The following UQCRC2 variants were observed in gnomAD, a reference collection of about 807,000 sequenced individuals.
UQCRC2 encodes ubiquinol-cytochrome c reductase core protein 2.
UQCRC2 carries 49 observed loss-of-function variants against 55.6 expected under a neutral mutation model. The ratio of observed to expected loss-of-function variants is 0.88; its 90% CI spans 0.70 to 1.12. The LOEUF is 1.12. Ranked by LOEUF, UQCRC2 falls within the 50% of genes most tolerant of loss-of-function variation. UQCRC2 has a pLI of 0.00. For synonymous variants in UQCRC2, 193 were observed against 192.0 expected, an observed-to-expected ratio of 1.01 and a Z score of -0.04; for missense variants, 506 against 547.8, an observed-to-expected ratio of 0.92 and a Z score of 0.76.
chr16:21,971,334 A>T (rs562588753), intron 8 of UQCRC2, among the ~76,000 whole-genome samples, 191 bp from the exon 9 acceptor site: 2 of 152,358 alleles, frequency 1.3e-5, no homozygotes, highest in East Asian at 3.9e-4. Flanking sequence ...TACTAAGTAT[A>T]TAGTAAATAG....
At chr16:21,956,005 A>G (rs1898080644) in intron 1 of UQCRC2, among the ~76,000 whole-genome samples, 2 of 151,978 alleles carry the variant, frequency 1.3e-5, no homozygotes, top group Non-Finnish European at 1.5e-5. Flanking sequence ...TTGTGTTTTT[A>G]TTAGAGATGG....
chr16:21,976,624 C>G (rs1344540014), intron 12 of UQCRC2: 1 of 168,572 alleles, frequency 5.9e-6, no homozygotes, highest in East Asian at 1.7e-4. Flanking sequence ...TGCTGCTTGA[C>G]TTACACTGGG....
At chr16:21,959,378 A>G in intron 4 of UQCRC2, 1 of 274,944 alleles carries the variant, frequency 3.6e-6, no homozygotes, top group Non-Finnish European at 7.4e-6. Flanking sequence ...TTCTATCTCA[A>G]GAAACCACTT....
intron 13 of UQCRC2, among the ~76,000 whole-genome samples, chr16:21,981,825 A>G (rs1410133237): frequency 6.6e-6 from 1 of 151,294 alleles, no homozygotes. Context: ...CTTCGCCCCA[A>G]TCGTCATTTC....
In UQCRC2 at chr16:21,971,071, C is replaced by A. The variant is rs78382604; in HGVS notation, c.671-454C>A. Among the ~76,000 whole-genome samples the A allele has an allele frequency of 1.4e-3, 219 of 152,078 alleles. 6 individuals are homozygous for A. In the East Asian group the frequency reaches 0.038, roughly 26 times the overall value. ...TCTTGATACAGTGTTCTTTGATGGA[C>A]AATGCAATGTTGTTTTAAGAGCTAA... On this transcript the variant is annotated intron_variant, in intron 8 of 13. Coordinates refer to ENST00000268379, the MANE Select transcript of UQCRC2 (RefSeq NM_003366.4).
chr16:21,957,371 G>A (rs1898104403), intron 2 of UQCRC2, 46 bp from the exon 3 acceptor site: 5 of 1,613,752 alleles, frequency 3.1e-6, no homozygotes, highest in Non-Finnish European at 4.2e-6. Flanking sequence ...ACTCTCCTTG[G>A]TAATACGAAG....
chr16:21,962,242 G>A, intron 4 of UQCRC2: 1 of 561,934 alleles, frequency 1.8e-6, no homozygotes, highest in Non-Finnish European at 3.2e-6. Flanking sequence ...GTTGTAACAT[G>A]TGACCAGATT....
chr16:21,954,908 C>A (rs977319909), intron 1 of UQCRC2, among the ~76,000 whole-genome samples: 4 of 150,904 alleles, frequency 2.7e-5, no homozygotes, highest in African/African-American at 9.7e-5. Context: ...AAAAAATAGC[C>A]GGGCGTGGTG....
intron 8 of UQCRC2, among the ~76,000 whole-genome samples, chr16:21,969,423 A>T (rs1470048321): frequency 6.6e-6 from 1 of 152,110 alleles, no homozygotes; most frequent in South Asian, 2.1e-4. Context: ...AATCCCAGCT[A>T]TCGGGGGGCT....
intron 11 of UQCRC2, 63 bp downstream of exon 11, chr16:21,974,039 A>G: frequency 6.9e-7 from 1 of 1,454,952 alleles, no homozygotes; most frequent in Admixed American, 2.0e-5. Context: ...CGCCATAAAC[A>G]TGTTTTCGGT....
At chr16:21,954,708 C>A (rs897823178) in intron 1 of UQCRC2, among the ~76,000 whole-genome samples, 1 of 152,058 alleles carries the variant, frequency 6.6e-6, no homozygotes, top group Non-Finnish European at 1.5e-5. Context: ...GATTGCATGA[C>A]AGTTACTAGG....
chr16:21,975,686 G>C (rs1413256517), intron 11 of UQCRC2, among the ~76,000 whole-genome samples: 1 of 152,094 alleles, frequency 6.6e-6, no homozygotes. Flanking sequence ...GGCTGTGTAT[G>C]GATTACTACT....
chr16:21,978,260 A>C (rs1245148544), intron 12 of UQCRC2, among the ~76,000 whole-genome samples: 1 of 152,170 alleles, frequency 6.6e-6, no homozygotes, highest in African/African-American at 2.4e-5. Flanking sequence ...AGGTAAAATC[A>C]TTTTTTAATT....
In UQCRC2 at chr16:21,957,774, A is replaced by G. The variant is rs8060983; in HGVS notation, c.267+208A>G. Among the ~76,000 whole-genome samples, 10,675 of 152,258 alleles carry G rather than the reference A, an allele frequency of 0.07. 1,208 individuals carry two copies. The highest frequency in any genetic ancestry group is 0.24 in the African/African-American group (9,955 of 41,510). ...AAGTCAAGGTGTCTAAGCCAAGCCA[A>G]GATATCAGCAGGGCTGTGATCCCTC... On this transcript the variant is annotated intron_variant, in intron 3 of 13. Transcript: ENST00000268379.
chr16:21,962,175 T>C (rs935678766), intron 4 of UQCRC2: 1 of 382,306 alleles, frequency 2.6e-6, no homozygotes, highest in Non-Finnish European at 4.8e-6. Flanking sequence ...CATACAATAT[T>C]TGTCCCTTTG....
In UQCRC2 at chr16:21,965,475, C is replaced by T. The variant is rs146640786; in HGVS notation, c.582C>T (p.Asp194=). The stretch of plus-strand genomic sequence containing the variant: ...TGGCTAATCCCTTGTATTGTCCTGA[C>T]TATAGGATTGGAAAAGTGACATCAG... ...NALANPLYCP[D]YRIGKVTSEE... Residue 194 remains aspartate (D), a synonymous_variant, in exon 7 of 14, where the codon GAC becomes GAT. Transcript: ENST00000268379. 1,596 of 1,608,898 alleles carry T rather than the reference C, an allele frequency of 9.9e-4. 2 individuals are homozygous for T. Among genetic ancestry groups the T allele is most frequent in the Non-Finnish European group, 1.3e-3 (1,518 of 1,178,604 alleles).
chr16:21,961,626 T>TTATATAGATATATATA (rs1898201065), intron 4 of UQCRC2, among the ~76,000 whole-genome samples: 1 of 64,476 alleles, frequency 1.6e-5, no homozygotes, highest in South Asian at 4.9e-4. Context: ...AACATAAAAT[T>TTATATAGATATATATA]TATATATATA....
chr16:21,962,274 T>G (rs1367360467), intron 4 of UQCRC2, 186 bp from the exon 5 acceptor site: 21 of 620,316 alleles, frequency 3.4e-5, no homozygotes. Flanking sequence ...AAGGTTGAAT[T>G]ATTTGCTGGT....
intron 4 of UQCRC2, among the ~76,000 whole-genome samples, chr16:21,959,994 G>A (rs1004588699): frequency 6.6e-6 from 1 of 152,198 alleles, no homozygotes; most frequent in Non-Finnish European, 1.5e-5. Flanking sequence ...AGGCAGAGTA[G>A]ATTTAGCATA....
Sources: allele counts gnomAD v4.1 joint callset (sites outside exome capture counted in the v4.1 genomes callset), GRCh38; gene constraint gnomAD v4.1.1; transcripts MANE v1.5; gene names NCBI Gene and HGNC (gene_info 2026-07-23, HGNC 2026-07-21).